Variants in RIPOR3 observed in about 807,000 individuals in gnomAD.
RIPOR3 encodes the protein RIPOR family member 3.
RIPOR3 carries 95 observed loss-of-function variants against 114.3 expected under a neutral mutation model. The ratio of observed to expected loss-of-function variants is 0.83; its 90% CI spans 0.70 to 0.99. RIPOR3 has a LOEUF of 0.99. Ranked by LOEUF, RIPOR3 falls within the 50% of genes least tolerant of loss-of-function variation. The pLI is 0.00. For synonymous variants in RIPOR3, 575 were observed against 543.8 expected (o/e 1.06, Z -0.80); for missense variants, 1,252 against 1,266.9 (o/e 0.99, Z 0.18).
At chr20:50,612,314 G>C (rs1003890870) in intron 4 of RIPOR3, among the ~76,000 whole-genome samples, 2 of 152,110 alleles carry the variant, frequency 1.3e-5, no homozygotes, top group African/African-American at 4.8e-5. Context: ...TGCCATCATA[G>C]TGGGAAAGCA....
At chr20:50,661,032 G>A (rs2123456604) in intron 1 of RIPOR3, among the ~76,000 whole-genome samples, 1 of 152,028 alleles carries the variant, frequency 6.6e-6, no homozygotes, top group East Asian at 1.9e-4. Flanking sequence ...GAGGTCAGGA[G>A]TACAAGACCA....
At chr20:50,650,879 T>C (rs970789045) in intron 1 of RIPOR3, among the ~76,000 whole-genome samples, 4 of 152,158 alleles carry the variant, frequency 2.6e-5, no homozygotes, top group African/African-American at 9.7e-5. Context: ...AATATTATGA[T>C]CTGACTGCCA....
At chr20:50,598,828 C>A (rs956453632) in intron 13 of RIPOR3, among the ~76,000 whole-genome samples, 2 of 148,220 alleles carry the variant, frequency 1.3e-5, no homozygotes, top group Non-Finnish European at 3.0e-5. Context: ...TTGCTTGACC[C>A]GGGGAGGCGG....
Position 50,593,195 on chromosome 20 carries a change from C to T in RIPOR3, c.2214G>A (p.Ala738=), listed in dbSNP as rs201130487. The part of the protein sequence containing the change: ...RGKYPGQLEI[A]CRRLLEQVVS... ...CCACCTGCTCCAGGAGCCTGCGGCA[C>T]GCTGGCCAAAGGGGAGAGTACATCA... Residue 738 remains alanine, a splice_region_variant and synonymous_variant, in exon 18 of 22, where the codon GCG becomes GCA. Transcript: ENST00000327979. 1.0e-4 allele frequency: 169 copies of T among 1,611,706 alleles called. No individual in the cohort carries two copies. The African/African-American group carries it at 1.1e-3, about 10-fold the overall frequency.
chr20:50,609,129 C>T (rs2083851070), intron 8 of RIPOR3, among the ~76,000 whole-genome samples, 164 bp downstream of exon 8: 1 of 152,160 alleles, frequency 6.6e-6, no homozygotes, highest in South Asian at 2.1e-4. Flanking sequence ...GCCCTCACAC[C>T]AGGCTCAGAG....
intron 2 of RIPOR3, among the ~76,000 whole-genome samples, chr20:50,622,920 A>G (rs183524841): frequency 9.3e-4 from 141 of 152,322 alleles, no homozygotes; most frequent in African/African-American, 3.2e-3. Context: ...AGCTGTTGTT[A>G]GAATCATCAC....
chr20:50,589,781 A>G lies in RIPOR3; in HGVS notation c.2578-12T>C, dbSNP rs372668224. On this transcript the variant is annotated splice_polypyrimidine_tract_variant and intron_variant, in intron 19 of 21. Coordinates refer to ENST00000327979, the MANE Select transcript of RIPOR3 (RefSeq NM_001290268.2). Reference sequence around the variant, plus strand: ...TAGAACAGCAAAGCCTGGGGAGAGTAAGGAGGCTGTGAATGGAGGGGTAAG... The same window carrying G: ...TAGAACAGCAAAGCCTGGGGAGAGTGAGGAGGCTGTGAATGGAGGGGTAAG... 2.5e-6 allele frequency: 4 copies of G among 1,611,174 alleles called. No individual in the cohort carries two copies. The highest frequency in any genetic ancestry group is 1.7e-6 in the Non-Finnish European group (2 of 1,178,434).
chr20:50,684,779 TTC>T (rs1408803273), intron 1 of RIPOR3, among the ~76,000 whole-genome samples: 1 of 152,136 alleles, frequency 6.6e-6, no homozygotes, highest in East Asian at 1.9e-4. Context: ...TTCTTTTCTG[TTC>T]CTCTTTGTTT....
intron 1 of RIPOR3, among the ~76,000 whole-genome samples, chr20:50,638,779 G>T (rs2085088394): frequency 6.6e-6 from 1 of 152,138 alleles, no homozygotes; most frequent in Admixed American, 6.5e-5. Context: ...TCTCAAACGT[G>T]CCTCACCCTG....
chr20:50,608,932 A>G lies in RIPOR3; in HGVS notation c.664T>C (p.Cys222Arg). ...CGTACCTCATAGTGGTCTCCGGGACAGAGGCGTGCGTAGCCCACCAAGCCT... is the reference window on the plus strand; with the variant it reads ...CGTACCTCATAGTGGTCTCCGGGACGGAGGCGTGCGTAGCCCACCAAGCCT... ...MKGLVGYARL[C>R]PGDHYEVLMR... The change falls in exon 9 of 22, where the codon TGT becomes CGT. Residue 222 changes from cysteine to arginine, a missense_variant. Physicochemically the swap from Cys to Arg is radical, Grantham distance 180. Coordinates refer to ENST00000327979, the MANE Select transcript of RIPOR3 (RefSeq NM_001290268.2). The G allele has an allele frequency of 6.3e-7, 1 of 1,589,398 alleles. No individual in the cohort carries two copies. The highest frequency in any genetic ancestry group is 8.6e-7 in the Non-Finnish European group (1 of 1,168,540).
intron 1 of RIPOR3, among the ~76,000 whole-genome samples, chr20:50,673,542 C>A (rs530952012): frequency 5.1e-4 from 78 of 152,314 alleles, no homozygotes; most frequent in African/African-American, 1.8e-3. Context: ...GGCCCCAAAG[C>A]CCCAGTCTCT....
intron 1 of RIPOR3, among the ~76,000 whole-genome samples, chr20:50,637,368 C>T (rs1039089232): frequency 7.9e-5 from 12 of 152,132 alleles, no homozygotes; most frequent in Non-Finnish European, 5.9e-5. Flanking sequence ...CCCTATCACT[C>T]TCTCCCAGCT....
chr20:50,604,395 G>A (rs2083619356), intron 12 of RIPOR3, among the ~76,000 whole-genome samples: 1 of 152,154 alleles, frequency 6.6e-6, no homozygotes, highest in African/African-American at 2.4e-5. Context: ...GCCATGACTG[G>A]GGTGCTAGAA....
chr20:50,635,272 C>T (rs755335962), intron 1 of RIPOR3, among the ~76,000 whole-genome samples: 4 of 152,218 alleles, frequency 2.6e-5, no homozygotes, highest in Non-Finnish European at 4.4e-5. Flanking sequence ...CTGCCTGCTA[C>T]CTGCTCTGAG....
intron 1 of RIPOR3, among the ~76,000 whole-genome samples, chr20:50,659,150 G>A: frequency 6.6e-6 from 1 of 152,144 alleles, no homozygotes; most frequent in East Asian, 1.9e-4. Context: ...AAATAATAAT[G>A]CAGCATTTGC....
At chr20:50,677,594 A>G (rs1408108928) in intron 1 of RIPOR3, among the ~76,000 whole-genome samples, 1 of 151,040 alleles carries the variant, frequency 6.6e-6, no homozygotes, top group Non-Finnish European at 1.5e-5. Flanking sequence ...CTGGTCTCAA[A>G]CGCCTGACCT....
chr20:50,631,828 A>C (rs6063539), intron 1 of RIPOR3, among the ~76,000 whole-genome samples: 115,376 of 152,152 alleles, frequency 0.76, 46,398 homozygotes, highest in East Asian at 0.91. Context: ...TCTTCCAGCA[A>C]GGGCAGCTGG....
chr20:50,598,155 C>A (rs573834922), intron 13 of RIPOR3, among the ~76,000 whole-genome samples: 1 of 152,308 alleles, frequency 6.6e-6, no homozygotes, highest in Non-Finnish European at 1.5e-5. Context: ...ATACCAACAA[C>A]AAATTTCAAA....
intron 4 of RIPOR3, among the ~76,000 whole-genome samples, chr20:50,613,273 C>A (rs915710324): frequency 6.6e-6 from 1 of 151,638 alleles, no homozygotes; most frequent in African/African-American, 2.4e-5. Context: ...CATGGTGAAA[C>A]CCCCTCTCTA....
Sources: allele counts gnomAD v4.1 joint callset (sites outside exome capture counted in the v4.1 genomes callset), GRCh38; gene constraint gnomAD v4.1.1; transcripts MANE v1.5; gene names NCBI Gene and HGNC (gene_info 2026-07-23, HGNC 2026-07-21).